Variants in PRICKLE1 observed in about 807,000 individuals in gnomAD.
PRICKLE1 encodes the protein prickle planar cell polarity protein 1.
Under a neutral mutation model 70.2 loss-of-function variants are expected in PRICKLE1, and 14 were observed. That is an observed-to-expected ratio of 0.20 (90% confidence interval 0.13 to 0.31). The LOEUF is 0.31. Ranked by LOEUF, PRICKLE1 falls within the 10% of genes least tolerant of loss-of-function variation. The pLI is 1.00. For synonymous variants in PRICKLE1, 357 were observed against 379.9 expected (o/e 0.94, Z 0.70); for missense variants, 821 against 1,026.2 (o/e 0.80, Z 2.73).
chr12:42,469,109 T>C (rs538593745), intron 4 of PRICKLE1, among the ~76,000 whole-genome samples: 2 of 152,284 alleles, frequency 1.3e-5, no homozygotes, highest in African/African-American at 4.8e-5. Context: ...TTTCCTACTC[T>C]GAGAACTGCC....
At chr12:42,482,185 AG>A (rs554082030) in intron 1 of PRICKLE1, among the ~76,000 whole-genome samples, 91 of 152,378 alleles carry the variant, frequency 6.0e-4, no homozygotes, top group Middle Eastern at 3.4e-3. Flanking sequence ...TTTTTCCAAG[AG>A]GAAATGTGGA....
At chr12:42,544,702 G>A (rs1176920752) in intron 1 of PRICKLE1, among the ~76,000 whole-genome samples, 1 of 152,136 alleles carries the variant, frequency 6.6e-6, no homozygotes, top group Non-Finnish European at 1.5e-5. Context: ...TCTTATCAAA[G>A]TAATATATAA....
chr12:42,469,394 G>C (rs1224558142), intron 4 of PRICKLE1, 56 bp downstream of exon 4: 13 of 1,608,676 alleles, frequency 8.1e-6, no homozygotes, highest in African/African-American at 1.3e-5. Context: ...ACCCCCGACT[G>C]TCCACCCCAT....
chr12:42,472,564 G>A lies in PRICKLE1; in HGVS notation c.-48C>T, dbSNP rs1170933649. ...AGTCACAGGACATCAAACAATGGCTGCTGTGAACAATATAAGAAAAAACAA... is the reference window on the plus strand; with the variant it reads ...AGTCACAGGACATCAAACAATGGCTACTGTGAACAATATAAGAAAAAACAA... On this transcript the variant is annotated splice_region_variant and 5_prime_UTR_variant, in exon 2 of 8. Coordinates refer to ENST00000345127, the MANE Select transcript of PRICKLE1 (RefSeq NM_153026.3). 2 of 1,612,182 alleles carry A rather than the reference G, an allele frequency of 1.2e-6. No individual in the cohort carries two copies. Among genetic ancestry groups the A allele is most frequent in the Non-Finnish European group, 8.5e-7 (1 of 1,178,468 alleles).
intron 1 of PRICKLE1, among the ~76,000 whole-genome samples, chr12:42,544,372 T>C (rs968813181): frequency 5.3e-5 from 8 of 152,222 alleles, no homozygotes; most frequent in Admixed American, 3.3e-4. Flanking sequence ...CTCAACAATC[T>C]TCCCACTTTT....
rs67128387 is a variant in PRICKLE1 at position 42,469,714 on chromosome 12, G to A, written c.247-127C>T. The A allele has an allele frequency of 0.065, 77,052 of 1,184,036 alleles. 3,022 individuals are homozygous for A. The highest frequency in any genetic ancestry group is 0.13 in the African/African-American group (8,869 of 66,086). The allele number at this position is 1,184,036 out of a possible 1,614,324, so 73.3% of individuals were successfully genotyped here. On this transcript the variant is annotated intron_variant, in intron 3 of 7. Transcript: ENST00000345127. ...TAGCTCGCCTGTGTCACACCCCCAC[G>A]ATTTTAAAATGACACCATATCTGAA... is the stretch of plus-strand genomic sequence containing the variant.
chr12:42,472,295 G>T, intron 2 of PRICKLE1, 90 bp downstream of exon 2: 1 of 1,413,188 alleles, frequency 7.1e-7, no homozygotes, highest in Non-Finnish European at 9.9e-7. Flanking sequence ...CAGCATCTCA[G>T]TGATGTTCTA....
chr12:42,480,840 A>C lies in PRICKLE1; in HGVS notation c.-48-8276T>G, dbSNP rs142972090. Among the ~76,000 whole-genome samples, 68 of 152,334 alleles carry C rather than the reference A, an allele frequency of 4.5e-4. No individual in the cohort carries two copies. In the East Asian group the frequency reaches 0.01, roughly 22 times the overall value. ...TTCAAGAATTACACATTTCAGGCAG[A>C]AAACTGTGGGCTTATCACTACAGGC... is the stretch of plus-strand genomic sequence containing the variant. On this transcript the variant is annotated intron_variant, in intron 1 of 7. Transcript: ENST00000345127.
rs778052349 is a variant in PRICKLE1, at chr12:42,470,321, A to G, written c.171T>C (p.Val57=). Residue 57 remains valine, a synonymous_variant, in exon 3 of 8, where the codon GTT becomes GTC. Transcript: ENST00000345127. The part of the protein sequence containing the change: ...LYFACLPEEK[V]PYVNSPGEKH... ...TCTCTCCGGGGCTGTTAACGTAAGG[A>G]ACTTTTTCCTCTGGTAAGCAAGCAA... is the stretch of plus-strand genomic sequence containing the variant. The G allele has an allele frequency of 5.6e-6, 9 of 1,614,062 alleles. No homozygotes were observed. In the South Asian group the frequency reaches 9.9e-5, roughly 18 times the overall value.
intron 1 of PRICKLE1, among the ~76,000 whole-genome samples, chr12:42,577,155 T>C (rs2120778751): frequency 6.6e-6 from 1 of 152,362 alleles, no homozygotes; most frequent in Non-Finnish European, 1.5e-5. Context: ...CAAGTGAACA[T>C]GCTAATTTGA....
In PRICKLE1 at chr12:42,488,922, C is replaced by T. The variant is rs1034573184; in HGVS notation, c.-48-16358G>A. Among the ~76,000 whole-genome samples, 277 of 130,886 alleles carry T rather than the reference C, an allele frequency of 2.1e-3. 1 individual carries two copies. The highest frequency in any genetic ancestry group is 6.9e-3 in the African/African-American group (238 of 34,374). The allele number at this position is 130,886 out of a possible 152,430, so 85.9% of individuals were successfully genotyped here. A position where few individuals can be genotyped will look rare whatever the true frequency, so the allele number is the denominator to read the frequency against. ...GTAAACCTTTTCTCTATCAATCTAT[C>T]TTTTTTTTTTTTTTTTTTAAGACAG... is the stretch of plus-strand genomic sequence containing the variant. On this transcript the variant is annotated intron_variant, in intron 1 of 7. Transcript: ENST00000345127.
intron 1 of PRICKLE1, among the ~76,000 whole-genome samples, chr12:42,514,592 T>C (rs1436447060): frequency 6.6e-6 from 1 of 152,236 alleles, no homozygotes; most frequent in Non-Finnish European, 1.5e-5. Context: ...CATTATATGC[T>C]GTCAAAGGGC....
intron 1 of PRICKLE1, among the ~76,000 whole-genome samples, chr12:42,516,283 C>G (rs1220560245): frequency 6.6e-6 from 1 of 152,110 alleles, no homozygotes; most frequent in Non-Finnish European, 1.5e-5. Context: ...AGGTGCCCAC[C>G]ACCACGCCTG....
chr12:42,480,748 G>A (rs1267568022), intron 1 of PRICKLE1, among the ~76,000 whole-genome samples: 2 of 152,168 alleles, frequency 1.3e-5, no homozygotes, highest in Non-Finnish European at 1.5e-5. Flanking sequence ...AAGAGTGGAC[G>A]GTTTTGCTAG....
chr12:42,500,663 T>C (rs1939289966), intron 1 of PRICKLE1, among the ~76,000 whole-genome samples: 1 of 144,986 alleles, frequency 6.9e-6, no homozygotes, highest in South Asian at 2.3e-4. Flanking sequence ...TCATTAATTT[T>C]CTTTTTTTTT....
intron 1 of PRICKLE1, among the ~76,000 whole-genome samples, chr12:42,582,927 C>T (rs113269133): frequency 3.9e-5 from 6 of 152,118 alleles, no homozygotes; most frequent in African/African-American, 1.2e-4. Flanking sequence ...GGTTGGACAC[C>T]CCTGAATTCT....
At chr12:42,574,407 G>C (rs1180113605) in intron 1 of PRICKLE1, among the ~76,000 whole-genome samples, 1 of 152,180 alleles carries the variant, frequency 6.6e-6, no homozygotes. Context: ...GCAACACTCT[G>C]AACCCCACTG....
At chr12:42,548,408 T>C (rs1940249164) in intron 1 of PRICKLE1, among the ~76,000 whole-genome samples, 1 of 152,208 alleles carries the variant, frequency 6.6e-6, no homozygotes, top group Admixed American at 6.5e-5. Context: ...TATATATTTA[T>C]TATGTGCTTC....
chr12:42,493,384 T>C (rs1217769487), intron 1 of PRICKLE1, among the ~76,000 whole-genome samples: 1 of 152,154 alleles, frequency 6.6e-6, no homozygotes, highest in African/African-American at 2.4e-5. Flanking sequence ...TCAAAAAATT[T>C]ATTGTTTAGG....
Sources: gnomAD v4.1 joint callset for allele counts (sites outside exome capture counted in the v4.1 genomes callset) on GRCh38, gnomAD v4.1.1 for gene constraint, MANE v1.5 for transcripts, NCBI Gene and HGNC (gene_info 2026-07-23, HGNC 2026-07-21) for gene names.